Variants in EPYC observed in about 807,000 individuals in gnomAD.
The protein encoded by EPYC is epiphycan.
A neutral mutation model predicts 30.1 loss-of-function variants in EPYC; 28 were observed. The observed-to-expected ratio is 0.93, with a 90% CI of 0.69 to 1.28. The LOEUF (loss-of-function observed/expected upper bound fraction) is 1.28, where lower values mean the gene tolerates loss of function less well. Ranked by LOEUF, EPYC falls within the 50% of genes most tolerant of loss-of-function variation. The pLI, the probability that EPYC is intolerant of heterozygous loss-of-function variation, is 0.00. For synonymous variants in EPYC, 144 were observed against 141.4 expected (o/e 1.02, Z -0.13); for missense variants, 382 against 383.5 (o/e 1.00, Z 0.03).
chr12:90,974,209 G>T (rs981831157), intron 3 of EPYC, among the ~76,000 whole-genome samples: 1 of 151,988 alleles, frequency 6.6e-6, no homozygotes, highest in African/African-American at 2.4e-5. Context: ...GAGGCCATGT[G>T]GGGAGAGAGT....
chr12:90,977,715 C>T (rs117938199), intron 3 of EPYC, among the ~76,000 whole-genome samples: 2 of 152,022 alleles, frequency 1.3e-5, no homozygotes, highest in African/African-American at 4.8e-5. Context: ...TTACTATTAC[C>T]ATCATCTTCA....
chr12:90,964,044 TATC>T lies in EPYC; in HGVS notation c.*109_*111del, dbSNP rs1489841242. 1.3e-6 allele frequency: 1 copy of T among 794,980 alleles called. No homozygotes were observed. The highest frequency in any genetic ancestry group is 1.7e-5 in the African/African-American group (1 of 58,146). The allele number at this position is 794,980 out of a possible 1,614,324, so 49.2% of individuals were successfully genotyped here. ...TTTTTAATTGTATTTTATGTAGTCA[TATC>T]ATCTCTCAGAACACAATCTCAAAGT... On this transcript the variant is annotated 3_prime_UTR_variant, in exon 7 of 7. Transcript: ENST00000261172.
chr12:90,997,139 A>G (rs1398013038), intron 2 of EPYC, among the ~76,000 whole-genome samples: 2 of 152,022 alleles, frequency 1.3e-5, no homozygotes, highest in Non-Finnish European at 2.9e-5. Flanking sequence ...CCCCACAAAG[A>G]CCATAACTTA....
chr12:90,979,098 T>A (rs907621676), intron 2 of EPYC, among the ~76,000 whole-genome samples: 2 of 152,168 alleles, frequency 1.3e-5, no homozygotes, highest in Non-Finnish European at 2.9e-5. Flanking sequence ...CTTTTAAGAA[T>A]ACTGTTTGGA....
intron 2 of EPYC, among the ~76,000 whole-genome samples, chr12:90,991,135 G>A (rs775366417): frequency 6.6e-6 from 1 of 152,048 alleles, no homozygotes; most frequent in Non-Finnish European, 1.5e-5. Flanking sequence ...GCCAAGGAAT[G>A]GAGTATATAA....
chr12:90,974,036 A>T (rs1333650504), intron 3 of EPYC, among the ~76,000 whole-genome samples: 3 of 102,252 alleles, frequency 2.9e-5, no homozygotes, highest in Non-Finnish European at 5.7e-5. Flanking sequence ...TCTTACACAC[A>T]CTCACACACA....
At chr12:90,990,262 A>T (rs1474763302) in intron 2 of EPYC, among the ~76,000 whole-genome samples, 1 of 152,084 alleles carries the variant, frequency 6.6e-6, no homozygotes, top group Non-Finnish European at 1.5e-5. Flanking sequence ...TGAGGCATAA[A>T]TCCATGCCTT....
At position 90,964,101 on chromosome 12, in the gene EPYC, G is replaced by A; in HGVS notation, c.*55C>T. The A allele has an allele frequency of 6.9e-7, 1 of 1,457,708 alleles. No homozygotes were observed. The highest frequency in any genetic ancestry group is 9.5e-7 in the Non-Finnish European group (1 of 1,057,942). 90.3% of individuals were successfully genotyped at this position (1,457,708 alleles called of 1,614,324 possible). A position where few individuals can be genotyped will look rare whatever the true frequency, so the allele number is the denominator to read the frequency against. ...ATGCTGAGTTTTGTTTTGGAAGAGA[G>A]CAGTAAGAATGGTTTATTTATAGTA... On this transcript the variant is annotated 3_prime_UTR_variant, in exon 7 of 7. Coordinates refer to ENST00000261172, the MANE Select transcript of EPYC (RefSeq NM_004950.5).
chr12:90,973,518 A>C (rs990575394), intron 3 of EPYC, among the ~76,000 whole-genome samples: 1 of 152,224 alleles, frequency 6.6e-6, no homozygotes, highest in Non-Finnish European at 1.5e-5. Context: ...AAATGAAATT[A>C]TGAATGTGAT....
At position 90,994,365 on chromosome 12, in the gene EPYC, G is replaced by A. The variant is rs114984053; in HGVS notation, c.165+8036C>T. 7.0e-3 allele frequency among the ~76,000 whole-genome samples: 1,073 copies of A among 152,266 alleles called. 9 individuals are homozygous for A. Among genetic ancestry groups the A allele is most frequent in the African/African-American group, 0.025 (1,032 of 41,556 alleles). ...TATGTACCAGGTTCTGTATTAAACA[G>A]CTAACATGTTTATCTTACTTAATCC... On this transcript the variant is annotated intron_variant, in intron 2 of 6. Transcript: ENST00000261172.
intron 1 of EPYC, among the ~76,000 whole-genome samples, chr12:91,003,790 G>C (rs1034355313): frequency 1.3e-5 from 2 of 152,038 alleles, no homozygotes; most frequent in South Asian, 4.1e-4. Flanking sequence ...ATATAAAAGG[G>C]AATTCATGAT....
In EPYC at chr12:90,971,883, G is replaced by A. The variant is rs144263793; in HGVS notation, c.619C>T (p.Pro207Ser). ...AATGTCAAAGTGGTTGGCAATTCTG[G>A]GAGCTGCCTTATTTTGTTGTCACGC... ...VLRDNKIRQL[P>S]ELPTTLTFID... The change falls in exon 5 of 7, where the codon CCA becomes TCA. Residue 207 changes from proline (P) to serine (S), a missense_variant. By Grantham distance (74) the Pro-to-Ser change is moderately conservative. Transcript: ENST00000261172. The A allele has an allele frequency of 6.2e-7, 1 of 1,611,952 alleles. No individual in the cohort carries two copies. The highest frequency in any genetic ancestry group is 1.7e-5 in the Admixed American group (1 of 59,574).
At chr12:90,968,774 A>G (rs901513017) in intron 6 of EPYC, among the ~76,000 whole-genome samples, 3 of 152,070 alleles carry the variant, frequency 2.0e-5, no homozygotes, top group African/African-American at 7.2e-5. Context: ...AATTTAATTC[A>G]TAATTGGAAA....
intron 3 of EPYC, among the ~76,000 whole-genome samples, chr12:90,974,072 A>ACACACCCC (rs71094701): frequency 4.4e-4 from 63 of 144,104 alleles, no homozygotes; most frequent in Non-Finnish European, 6.8e-4. Context: ...ACACACACAC[A>ACACACCCC]CCCCTACCTC....
At chr12:90,964,644 G>A (rs1876849624) in intron 6 of EPYC, among the ~76,000 whole-genome samples, 1 of 152,130 alleles carries the variant, frequency 6.6e-6, no homozygotes, top group African/African-American at 2.4e-5. Context: ...GTTATCTTTA[G>A]AGGTAACAAT....
intron 2 of EPYC, among the ~76,000 whole-genome samples, chr12:90,991,585 TAAAAA>T (rs1877586147): frequency 6.6e-6 from 1 of 152,138 alleles, no homozygotes; most frequent in Admixed American, 6.5e-5. Context: ...AAAAATAACT[TAAAAA>T]GAAAGTTCTT....
intron 3 of EPYC, among the ~76,000 whole-genome samples, chr12:90,974,914 T>A (rs1017197684): frequency 2.6e-5 from 4 of 152,106 alleles, no homozygotes; most frequent in Admixed American, 6.6e-5. Flanking sequence ...CTGAAATTTC[T>A]CAGTGATCAA....
chr12:90,964,782 T>TCGAC (rs1876854416), intron 6 of EPYC, among the ~76,000 whole-genome samples: 1 of 152,002 alleles, frequency 6.6e-6, no homozygotes, highest in Admixed American at 6.6e-5. Context: ...CCCTCAACAT[T>TCGAC]CGACATTCAA....
chr12:90,974,497 T>C (rs1478587483), intron 3 of EPYC, among the ~76,000 whole-genome samples: 1 of 151,942 alleles, frequency 6.6e-6, no homozygotes, highest in African/African-American at 2.4e-5. Context: ...GTTTGTTTGA[T>C]GAAGGGAGTG....
Sources: allele counts gnomAD v4.1 joint callset (sites outside exome capture counted in the v4.1 genomes callset), GRCh38; gene constraint gnomAD v4.1.1; transcripts MANE v1.5; gene names NCBI Gene and HGNC (gene_info 2026-07-23, HGNC 2026-07-21).